Variants in MYO1D observed in about 807,000 individuals in gnomAD.
MYO1D encodes unconventional myosin-Id.
A neutral mutation model predicts 122.0 loss-of-function variants in MYO1D; 83 were observed. The ratio of observed to expected loss-of-function variants is 0.68; its 90% CI spans 0.57 to 0.82. The LOEUF (loss-of-function observed/expected upper bound fraction) is 0.82. Ranked by LOEUF, MYO1D falls within the 40% of genes least tolerant of loss-of-function variation. The pLI is 0.00. For missense variants in MYO1D, 1,157 were observed against 1,269.5 expected, an observed-to-expected ratio of 0.91 and a Z score of 1.35; for synonymous variants, 464 against 446.9, an observed-to-expected ratio of 1.04 and a Z score of -0.48.
chr17:32,702,404 A>G (rs1004415898), intron 16 of MYO1D, among the ~76,000 whole-genome samples: 1 of 152,176 alleles, frequency 6.6e-6, no homozygotes, highest in Non-Finnish European at 1.5e-5. Flanking sequence ...TTCCACTTTG[A>G]ATTCCACATA....
In MYO1D at chr17:32,517,589, G is replaced by A. The variant is rs557285230; in HGVS notation, c.2865-22674C>T. ...GTCTGCCTGTGGACCCCTGAATGTC[G>A]CGTTGTTAAAGCTCCCTGGGTGATT... On this transcript the variant is annotated intron_variant, in intron 21 of 21. Coordinates refer to ENST00000318217, the MANE Select transcript of MYO1D (RefSeq NM_015194.3). 1.1e-3 allele frequency among the ~76,000 whole-genome samples: 174 copies of A among 152,216 alleles called. 1 individual carries two copies. The highest frequency in any genetic ancestry group is 1.2e-3 in the South Asian group (6 of 4,808).
chr17:32,698,495 T>G (rs2089203994), intron 16 of MYO1D, among the ~76,000 whole-genome samples: 1 of 151,936 alleles, frequency 6.6e-6, no homozygotes, highest in Non-Finnish European at 1.5e-5. Flanking sequence ...GAAGTCAGAG[T>G]GCTTTGTTTA....
At chr17:32,736,606 T>A (rs2089704182) in intron 14 of MYO1D, among the ~76,000 whole-genome samples, 1 of 152,244 alleles carries the variant, frequency 6.6e-6, no homozygotes, top group South Asian at 2.1e-4. Context: ...CAGGGATCTG[T>A]TTCATTAGAA....
At chr17:32,646,639 G>A (rs1190124214) in intron 19 of MYO1D, among the ~76,000 whole-genome samples, 1 of 152,046 alleles carries the variant, frequency 6.6e-6, no homozygotes, top group African/African-American at 2.4e-5. Context: ...ATATGTTCCC[G>A]AGTTAATCTA....
chr17:32,520,825 A>G (rs976071452), intron 21 of MYO1D, among the ~76,000 whole-genome samples: 4 of 152,270 alleles, frequency 2.6e-5, no homozygotes, highest in African/African-American at 4.8e-5. Context: ...AATAAAAATA[A>G]TACGCGTGAA....
chr17:32,755,508 T>C lies in MYO1D; in HGVS notation c.1451A>G (p.His484Arg), dbSNP rs776438618. The C allele has an allele frequency of 1.9e-6, 3 of 1,613,600 alleles. No individual in the cohort carries two copies. Among genetic ancestry groups the C allele is most frequent in the African/African-American group, 1.3e-5 (1 of 74,896 alleles). ...ALNSKLGKHA[H>R]FSSRKLCASD... ...ACACATTACCTTTCGGCTGGAAAAA[T>C]GGGCGTGTTTGCCCAATTTACTGTT... Residue 484 changes from histidine to arginine, a missense_variant, in exon 11 of 22, where the codon CAT (histidine) becomes CGT (arginine). Coordinates refer to ENST00000318217, the MANE Select transcript of MYO1D (RefSeq NM_015194.3).
intron 16 of MYO1D, among the ~76,000 whole-genome samples, chr17:32,675,761 G>C (rs1430748119): frequency 6.6e-6 from 1 of 151,986 alleles, no homozygotes; most frequent in African/African-American, 2.4e-5. Context: ...TTTGTTTTCA[G>C]TATGTTGATG....
chr17:32,644,196 G>C (rs1404128057), intron 19 of MYO1D, among the ~76,000 whole-genome samples: 2 of 152,124 alleles, frequency 1.3e-5, no homozygotes, highest in Non-Finnish European at 2.9e-5. Flanking sequence ...TCAGGAGCAG[G>C]TTGTTCAGTT....
chr17:32,556,860 A>G (rs187528416), intron 21 of MYO1D, among the ~76,000 whole-genome samples: 1 of 152,330 alleles, frequency 6.6e-6, no homozygotes, highest in African/African-American at 2.4e-5. Context: ...GATTTGTGCT[A>G]AACTCCCTAA....
chr17:32,737,713 G>C (rs1039446914), intron 14 of MYO1D, among the ~76,000 whole-genome samples: 5 of 152,116 alleles, frequency 3.3e-5, no homozygotes, highest in Non-Finnish European at 7.4e-5. Context: ...TGATCCTCCC[G>C]CCTTGGCCTC....
intron 21 of MYO1D, among the ~76,000 whole-genome samples, chr17:32,585,941 C>T (rs571364898): frequency 2.2e-4 from 34 of 152,036 alleles, no homozygotes; most frequent in African/African-American, 8.0e-4. Context: ...AATATCATGT[C>T]GGCTACTTCT....
intron 1 of MYO1D, among the ~76,000 whole-genome samples, chr17:32,872,246 G>A (rs1408554716): frequency 5.3e-5 from 8 of 151,800 alleles, no homozygotes; most frequent in Admixed American, 5.3e-4. Context: ...AGATATTCCA[G>A]GGTTTTGTTA....
At chr17:32,805,912 G>A (rs988609976) in intron 1 of MYO1D, among the ~76,000 whole-genome samples, 2 of 152,138 alleles carry the variant, frequency 1.3e-5, no homozygotes, top group Admixed American at 1.3e-4. Flanking sequence ...CAACTTCAAC[G>A]AATAAACTGC....
chr17:32,508,472 TG>T (rs1909576318), intron 21 of MYO1D, among the ~76,000 whole-genome samples: 1 of 151,318 alleles, frequency 6.6e-6, no homozygotes, highest in Non-Finnish European at 1.5e-5. Context: ...GACGGAATTT[TG>T]GTATGTTGGC....
chr17:32,527,878 G>A (rs564416316), intron 21 of MYO1D, among the ~76,000 whole-genome samples: 11 of 140,156 alleles, frequency 7.8e-5, no homozygotes, highest in African/African-American at 2.7e-4. Context: ...TTGCTCTGTC[G>A]CCCAGGCTAG....
chr17:32,584,543 G>A (rs1347061661), intron 21 of MYO1D, among the ~76,000 whole-genome samples: 1 of 150,540 alleles, frequency 6.6e-6, no homozygotes, highest in African/African-American at 2.5e-5. Context: ...CTGTCATCCA[G>A]GCTGGAATAG....
At chr17:32,819,375 C>T (rs2090641052) in intron 1 of MYO1D, among the ~76,000 whole-genome samples, 1 of 152,112 alleles carries the variant, frequency 6.6e-6, no homozygotes, top group South Asian at 2.1e-4. Context: ...GCTTCTGCTT[C>T]TGCCTTTTCA....
intron 11 of MYO1D, among the ~76,000 whole-genome samples, chr17:32,753,045 T>C (rs1033467228): frequency 6.6e-6 from 1 of 152,124 alleles, no homozygotes; most frequent in Non-Finnish European, 1.5e-5. Context: ...AATGATTGGA[T>C]AGAAAGAAAA....
intron 16 of MYO1D, among the ~76,000 whole-genome samples, chr17:32,670,525 G>T (rs1361198740): frequency 6.6e-6 from 1 of 152,096 alleles, no homozygotes; most frequent in Non-Finnish European, 1.5e-5. Flanking sequence ...TCCCTGGTGC[G>T]ACCTTACCTT....
Sources: gnomAD v4.1 joint callset for allele counts (sites outside exome capture counted in the v4.1 genomes callset) on GRCh38, gnomAD v4.1.1 for gene constraint, MANE v1.5 for transcripts, NCBI Gene and HGNC (gene_info 2026-07-23, HGNC 2026-07-21) for gene names.